The following SAMTOR variants were observed in gnomAD, a reference collection of about 807,000 sequenced individuals.
SAMTOR encodes the protein UPF0532 protein C7orf60.
At chr7:112,890,335 C>T in the SAMTOR span, among the ~76,000 whole-genome samples, 1 of 151,928 alleles carries the variant, frequency 6.6e-6, no homozygotes, top group Non-Finnish European at 1.5e-5. Context: ...TGGTGCAACC[C>T]CTAGGAAATC....
the SAMTOR span, among the ~76,000 whole-genome samples, chr7:112,872,722 G>A: frequency 1.3e-5 from 2 of 150,450 alleles, no homozygotes; most frequent in Admixed American, 6.6e-5. Context: ...CTGTTCTTCA[G>A]AAAATTCTAG....
chr7:112,894,929 C>G, the SAMTOR span, among the ~76,000 whole-genome samples: 1 of 151,992 alleles, frequency 6.6e-6, no homozygotes, highest in African/African-American at 2.4e-5. Flanking sequence ...ATAAAGCAAG[C>G]GCAATAAATA....
chr7:112,826,445 G>C, the SAMTOR span, among the ~76,000 whole-genome samples: 2 of 152,000 alleles, frequency 1.3e-5, no homozygotes, highest in East Asian at 3.9e-4. Flanking sequence ...GAATTTATTG[G>C]CATAAAGTTG....
At chr7:112,922,080 C>T in the SAMTOR span, among the ~76,000 whole-genome samples, 5 of 152,140 alleles carry the variant, frequency 3.3e-5, no homozygotes, top group African/African-American at 7.2e-5. Flanking sequence ...ATCAGCCTGC[C>T]GAGTGCCTGC....
the SAMTOR span, among the ~76,000 whole-genome samples, chr7:112,891,395 A>G: frequency 7.2e-5 from 11 of 152,346 alleles, 1 homozygote; most frequent in South Asian, 2.3e-3. Flanking sequence ...AAATCAAAGC[A>G]ACCAAAAGTA....
the SAMTOR span, among the ~76,000 whole-genome samples, chr7:112,881,624 T>A: frequency 6.6e-6 from 1 of 152,132 alleles, no homozygotes; most frequent in Non-Finnish European, 1.5e-5. Context: ...CTCCCCTCCA[T>A]GGAGGGTTAC....
the SAMTOR span, chr7:112,832,507 C>T: frequency 9.7e-7 from 1 of 1,028,202 alleles, no homozygotes; most frequent in Non-Finnish European, 1.5e-6. Context: ...CAGTGCTTTT[C>T]TTTTGTAAAT....
the SAMTOR span, chr7:112,939,555 G>A: frequency 6.2e-7 from 1 of 1,613,402 alleles, no homozygotes; most frequent in African/African-American, 1.3e-5. Context: ...GGGTGATGAG[G>A]CCTCCCCTTC....
the SAMTOR span, among the ~76,000 whole-genome samples, chr7:112,917,234 G>A: frequency 7.2e-5 from 11 of 152,126 alleles, no homozygotes; most frequent in African/African-American, 1.7e-4. Flanking sequence ...TCACACGGCC[G>A]GGTACTCCTC....
chr7:112,933,790 T>A, the SAMTOR span, among the ~76,000 whole-genome samples: 2 of 152,276 alleles, frequency 1.3e-5, no homozygotes, highest in South Asian at 4.1e-4. Flanking sequence ...TCCACCAAAT[T>A]GCTTTCTGGG....
At chr7:112,894,403 A>G in the SAMTOR span, among the ~76,000 whole-genome samples, 6 of 152,210 alleles carry the variant, frequency 3.9e-5, no homozygotes. Flanking sequence ...ATAATAATGA[A>G]AAAGTTTGAA....
chr7:112,860,669 G>A, the SAMTOR span, among the ~76,000 whole-genome samples: 10 of 151,966 alleles, frequency 6.6e-5, no homozygotes, highest in African/African-American at 2.4e-4. Context: ...TTGGGAGGCC[G>A]AGGCGGGTGG....
At chr7:112,844,220 A>G in the SAMTOR span, among the ~76,000 whole-genome samples, 1 of 152,166 alleles carries the variant, frequency 6.6e-6, no homozygotes, top group African/African-American at 2.4e-5. Flanking sequence ...CCAGCACATG[A>G]CAAGGATGCC....
the SAMTOR span, among the ~76,000 whole-genome samples, chr7:112,906,535 T>G: frequency 4.6e-5 from 7 of 151,772 alleles, no homozygotes; most frequent in Admixed American, 4.6e-4. Flanking sequence ...GTCTGCTACT[T>G]TTGACTAAAG....
the SAMTOR span, among the ~76,000 whole-genome samples, chr7:112,902,468 A>T: frequency 3.3e-5 from 5 of 149,340 alleles, 1 homozygote; most frequent in Admixed American, 1.3e-4. Context: ...AAACCAAAAA[A>T]GTTGGTGGTT....
the SAMTOR span, among the ~76,000 whole-genome samples, chr7:112,874,438 C>A: frequency 5.9e-5 from 9 of 152,188 alleles, no homozygotes; most frequent in Non-Finnish European, 1.0e-4. Flanking sequence ...GGGAACTAAA[C>A]ACTGGGTACA....
chr7:112,919,701 G>T, the SAMTOR span, among the ~76,000 whole-genome samples: 1 of 151,548 alleles, frequency 6.6e-6, no homozygotes, highest in African/African-American at 2.4e-5. Context: ...TAGACCGCTA[G>T]CAAGACTAAT....
the SAMTOR span, among the ~76,000 whole-genome samples, chr7:112,866,076 A>T: frequency 5.2e-4 from 79 of 152,208 alleles, no homozygotes; most frequent in Non-Finnish European, 7.9e-4. Flanking sequence ...GGCATTCCAC[A>T]GGTTTCAATA....
the SAMTOR span, among the ~76,000 whole-genome samples, chr7:112,908,962 T>C: frequency 1.3e-5 from 2 of 152,176 alleles, no homozygotes; most frequent in African/African-American, 4.8e-5. Context: ...CTCATTTCCA[T>C]GCTAAATGAA....
Sources: allele counts gnomAD v4.1 joint callset (sites outside exome capture counted in the v4.1 genomes callset), GRCh38; gene constraint gnomAD v4.1.1; transcripts MANE v1.5; gene names NCBI Gene and HGNC (gene_info 2026-07-23, HGNC 2026-07-21).